SECTM1: variants seen among roughly 807,000 people sequenced by gnomAD.
SECTM1 encodes secreted and transmembrane 1.
A neutral mutation model predicts 18.1 loss-of-function variants in SECTM1; 10 were observed. The observed-to-expected ratio is 0.55, with a 90% CI of 0.34 to 0.94. The LOEUF (loss-of-function observed/expected upper bound fraction) is 0.94. Among genes scored for constraint, SECTM1 ranks in the 40% least tolerant of loss-of-function variants. The probability of loss-of-function intolerance (pLI) is 0.02; values close to 1 mark genes in which losing one functional copy is unlikely to be tolerated. For missense variants in SECTM1, 297 were observed against 322.6 expected, an observed-to-expected ratio of 0.92 and a Z score of 0.61; for synonymous variants, 137 against 139.2, an observed-to-expected ratio of 0.98 and a Z score of 0.11.
Position 82,324,909 on chromosome 17 carries a change from GCA to G in SECTM1, c.95-21_95-20del. On this transcript the variant is annotated intron_variant, in intron 2 of 4. Coordinates refer to ENST00000269389, the MANE Select transcript of SECTM1 (RefSeq NM_003004.3). ...TCCCAGCCTGTAGGGCCAGACAGAG[GCA>G]CACACGGATCAGGGCTGGACCTCAG... The G allele has an allele frequency of 6.3e-7, 1 of 1,598,896 alleles. No individual in the cohort carries two copies. The highest frequency in any genetic ancestry group is 2.2e-5 in the East Asian group (1 of 44,462).
rs561739958 is a variant in SECTM1 at position 82,328,836 on chromosome 17, C to A, written c.-52-1544G>T. On this transcript the variant is annotated intron_variant, in intron 1 of 4. Coordinates refer to ENST00000269389, the MANE Select transcript of SECTM1 (RefSeq NM_003004.3). This position sits in a 1 kb window ranked among gnomAD's most constrained non-coding sequence, Gnocchi z 5.8. The stretch of plus-strand genomic sequence containing the variant: ...CTGCCCTGCCTCTCGGGTGCCTGCA[C>A]CCCTGCTAGGAAAAGTCCCTAGGTA... Among the ~76,000 whole-genome samples the A allele has an allele frequency of 1.1e-4, 16 of 152,242 alleles. 1 individual carries two copies. In the South Asian group the frequency reaches 3.3e-3, roughly 32 times the overall value.
At chr17:82,323,066 C>T in intron 3 of SECTM1, 55 bp from the exon 4 acceptor site, 2 of 1,553,142 alleles carry the variant, frequency 1.3e-6, no homozygotes, top group Non-Finnish European at 1.7e-6. Context: ...CCACCCCCTA[C>T]CTCCTCCGTG....
chr17:82,333,031 G>A (rs186864495), intron 1 of SECTM1, among the ~76,000 whole-genome samples: 5 of 152,272 alleles, frequency 3.3e-5, no homozygotes, highest in Admixed American at 2.6e-4. Context: ...AGCAAAACCC[G>A]CGTGAGAACG....
At position 82,330,224 on chromosome 17, in the gene SECTM1, A is replaced by G. The variant is rs1342609360; in HGVS notation, c.-52-2932T>C. 6.6e-6 allele frequency among the ~76,000 whole-genome samples: 1 copy of G among 151,892 alleles called. No homozygotes were observed. The highest frequency in any genetic ancestry group is 1.9e-4 in the East Asian group (1 of 5,170). On this transcript the variant is annotated intron_variant, in intron 1 of 4. Transcript: ENST00000269389. The surrounding 1 kb of genome is among the most constrained non-coding windows in gnomAD (Gnocchi z 6.1). ...TGGGGGCTCCCCCACTGCTCTCCGC[A>G]CCACCCCGCCGACCGTGTCCGGGAG...
At chr17:82,331,870 T>G (rs2052194252) in intron 1 of SECTM1, among the ~76,000 whole-genome samples, 1 of 152,202 alleles carries the variant, frequency 6.6e-6, no homozygotes, top group African/African-American at 2.4e-5. Flanking sequence ...CCGGGCGCGG[T>G]GGCGCATGCC....
At chr17:82,322,801 G>A (rs2052106789) in intron 4 of SECTM1, 77 bp downstream of exon 4, 3 of 1,542,232 alleles carry the variant, frequency 1.9e-6, no homozygotes, top group South Asian at 1.2e-5. Context: ...GTGCAGGACA[G>A]TAAGGCTGAC....
At position 82,328,119 on chromosome 17, in the gene SECTM1, G is replaced by A. The variant is rs544550074; in HGVS notation, c.-52-827C>T. 2 of 152,046 alleles carry A rather than the reference G, an allele frequency of 1.3e-5. No homozygotes were observed. The highest frequency in any genetic ancestry group is 6.5e-5 in the Admixed American group (1 of 15,274). 9.4% of individuals were successfully genotyped at this position (152,046 alleles called of 1,614,324 possible). On this transcript the variant is annotated intron_variant, in intron 1 of 4. Coordinates refer to ENST00000269389, the MANE Select transcript of SECTM1 (RefSeq NM_003004.3). This position sits in a 1 kb window ranked among gnomAD's most constrained non-coding sequence, Gnocchi z 5.8. ...ACCTCTGTGTGTTCCTAATGCGCAA[G>A]TCAGCTTTACCTCTGCTGCTCTCAC...
Position 82,323,015 on chromosome 17 carries a change from A to G in SECTM1, c.404-4T>C, listed in dbSNP as rs769690340. 29 of 1,609,772 alleles carry G rather than the reference A, an allele frequency of 1.8e-5. No homozygotes were observed. In the African/African-American group the frequency reaches 3.3e-4, roughly 19 times the overall value. ...GGGGCGGACTGGGGTTCTGCACCTG[A>G]AGGAGGCAGTTCAGGGGTGTACAGG... On this transcript the variant is annotated splice_polypyrimidine_tract_variant and splice_region_variant and intron_variant, in intron 3 of 4. Coordinates refer to ENST00000269389, the MANE Select transcript of SECTM1 (RefSeq NM_003004.3).
Position 82,328,104 on chromosome 17 carries a change from G to C in SECTM1, c.-52-812C>G, listed in dbSNP as rs2052163168. ...GAATCCATCGTTTACACCTCTGTGT[G>C]TTCCTAATGCGCAAGTCAGCTTTAC... On this transcript the variant is annotated intron_variant, in intron 1 of 4. Transcript: ENST00000269389. This position sits in a 1 kb window ranked among gnomAD's most constrained non-coding sequence, Gnocchi z 5.8. 1 of 151,900 alleles carries C rather than the reference G, an allele frequency of 6.6e-6. No homozygotes were observed. Among genetic ancestry groups the C allele is most frequent in the Non-Finnish European group, 1.5e-5 (1 of 68,020 alleles). The allele number at this position is 151,900 out of a possible 1,614,324, so 9.4% of individuals were successfully genotyped here.
intron 1 of SECTM1, among the ~76,000 whole-genome samples, chr17:82,333,214 T>C (rs1323938326): frequency 6.6e-6 from 1 of 152,224 alleles, no homozygotes; most frequent in African/African-American, 2.4e-5. Context: ...GAGTGCGTTT[T>C]GCTCCCAGCT....
At chr17:82,332,106 C>T (rs1055091910) in intron 1 of SECTM1, among the ~76,000 whole-genome samples, 2 of 152,234 alleles carry the variant, frequency 1.3e-5, no homozygotes, top group Non-Finnish European at 2.9e-5. Context: ...CTGGCCACTA[C>T]ATTCCAGCCT....
At chr17:82,332,074 G>A (rs1311963007) in intron 1 of SECTM1, among the ~76,000 whole-genome samples, 8 of 152,036 alleles carry the variant, frequency 5.3e-5, no homozygotes, top group Non-Finnish European at 1.5e-5. Flanking sequence ...CCAGGGAGGT[G>A]GAGGTTGTGG....
rs766594826 is a variant in SECTM1, at chr17:82,322,316, C to T, written c.592G>A (p.Ala198Thr). 3.7e-6 allele frequency: 6 copies of T among 1,613,338 alleles called. No individual in the cohort carries two copies. In the South Asian group the frequency reaches 6.6e-5, roughly 18 times the overall value. Residue 198 changes from alanine (A) to threonine (T), a missense_variant, in exon 5 of 5, where the codon GCC (alanine) becomes ACC (threonine). Coordinates refer to ENST00000269389, the MANE Select transcript of SECTM1 (RefSeq NM_003004.3). ...GAGGCTCTGCTCAGGCCCTGCTGGG[C>T]TCCCGCTCTGAGGGCTGCGACCTTC... ...QMKVAALRAG[A>T]QQGLSRASAE...
Position 82,330,300 on chromosome 17 carries a change from C to T in SECTM1, c.-52-3008G>A, listed in dbSNP as rs1356556724. 2.0e-5 allele frequency among the ~76,000 whole-genome samples: 3 copies of T among 152,170 alleles called. No individual in the cohort carries two copies. The highest frequency in any genetic ancestry group is 7.2e-5 in the African/African-American group (3 of 41,446). ...CTGCTCTGGGGAGTCCTGCCCTCAC[C>T]TGGAGCCTGGAGGCCATCTGAGTCT... On this transcript the variant is annotated intron_variant, in intron 1 of 4. Transcript: ENST00000269389. This position sits in a 1 kb window ranked among gnomAD's most constrained non-coding sequence, Gnocchi z 6.1.
At position 82,323,023 on chromosome 17, in the gene SECTM1, A is replaced by G; in HGVS notation, c.404-12T>C. ...CTGGGGTTCTGCACCTGAAGGAGGC[A>G]GTTCAGGGGTGTACAGGTGGGCTGG... On this transcript the variant is annotated splice_polypyrimidine_tract_variant and intron_variant, in intron 3 of 4. Transcript: ENST00000269389. 6.2e-7 allele frequency: 1 copy of G among 1,607,506 alleles called. No individual in the cohort carries two copies. The highest frequency in any genetic ancestry group is 2.2e-5 in the East Asian group (1 of 44,674).
At chr17:82,327,049 T>C (rs2052152419) in intron 2 of SECTM1, 98 bp downstream of exon 2, 1 of 875,014 alleles carries the variant, frequency 1.1e-6, no homozygotes, top group Non-Finnish European at 1.8e-6. Context: ...GGGGGTCTGG[T>C]GGCACCTGGA....
chr17:82,333,262 C>T (rs2052206586), intron 1 of SECTM1, among the ~76,000 whole-genome samples: 1 of 152,184 alleles, frequency 6.6e-6, no homozygotes, highest in African/African-American at 2.4e-5. Flanking sequence ...CGGGTGAGGC[C>T]GAGGACCGGG....
chr17:82,330,176 A>G lies in SECTM1; in HGVS notation c.-52-2884T>C, dbSNP rs2052180337. On this transcript the variant is annotated intron_variant, in intron 1 of 4. Transcript: ENST00000269389. The surrounding 1 kb of genome is among the most constrained non-coding windows in gnomAD (Gnocchi z 6.1). ...ACCCACCTTGGAACCGTGCAGATGG[A>G]CAGCAGGGAGGGTCGGGGCTGCTGG... is the stretch of plus-strand genomic sequence containing the variant. Among the ~76,000 whole-genome samples the G allele has an allele frequency of 6.6e-6, 1 of 152,112 alleles. No homozygotes were observed.
At position 82,321,833 on chromosome 17, in the gene SECTM1, C is replaced by A. The variant is rs967254609; in HGVS notation, c.*328G>T. On this transcript the variant is annotated 3_prime_UTR_variant, in exon 5 of 5. Coordinates refer to ENST00000269389, the MANE Select transcript of SECTM1 (RefSeq NM_003004.3). ...CTGGGAGTGGAGAGAGCGGACCCCACACCTGGGGCCGGACCAGCCTGGGGT... is the reference window on the plus strand; with the variant it reads ...CTGGGAGTGGAGAGAGCGGACCCCAAACCTGGGGCCGGACCAGCCTGGGGT... 3.8e-5 allele frequency: 13 copies of A among 344,472 alleles called. No homozygotes were observed. The highest frequency in any genetic ancestry group is 2.2e-4 in the African/African-American group (10 of 45,844). The allele number at this position is 344,472 out of a possible 1,614,324, so 21.3% of individuals were successfully genotyped here.
Sources: gnomAD v4.1 joint callset for allele counts (sites outside exome capture counted in the v4.1 genomes callset) on GRCh38, gnomAD v4.1.1 for gene constraint, Gnocchi (gnomAD v3.1) non-coding constraint, MANE v1.5 for transcripts, NCBI Gene and HGNC (gene_info 2026-07-23, HGNC 2026-07-21) for gene names.